Variants in SLC45A4 observed in about 807,000 individuals in gnomAD.
The protein encoded by SLC45A4 is solute carrier family 45 member 4.
A neutral mutation model predicts 63.7 loss-of-function variants in SLC45A4; 32 were observed. The ratio of observed to expected loss-of-function variants is 0.50; its 90% CI spans 0.38 to 0.67. SLC45A4 has a LOEUF of 0.67. Ranked by LOEUF, SLC45A4 falls within the 30% of genes least tolerant of loss-of-function variation. The pLI is 0.00. For missense variants in SLC45A4, 1,027 were observed against 1,157.7 expected (o/e 0.89, Z 1.64); for synonymous variants, 535 against 510.0 (o/e 1.05, Z -0.66).
chr8:141,215,435 C>A lies in SLC45A4; in HGVS notation c.1941+324G>T, dbSNP rs1826080689. On this transcript the variant is annotated intron_variant, in intron 7 of 8. Coordinates refer to ENST00000517878, the MANE Select transcript of SLC45A4 (RefSeq NM_001286646.2). The surrounding 1 kb of genome is among the most constrained non-coding windows in gnomAD (Gnocchi z 4.3). ...GCTTTCCTCCCATCCAAGTGGAAAACACGGGGCTGGAGCTTCCCCCTCAGG... is the reference window on the plus strand; with the variant it reads ...GCTTTCCTCCCATCCAAGTGGAAAAAACGGGGCTGGAGCTTCCCCCTCAGG... 6.6e-6 allele frequency among the ~76,000 whole-genome samples: 1 copy of A among 152,094 alleles called. No individual in the cohort carries two copies. Among genetic ancestry groups the A allele is most frequent in the Non-Finnish European group, 1.5e-5 (1 of 68,034 alleles).
At chr8:141,272,286 C>A (rs918953991) in intron 1 of SLC45A4, among the ~76,000 whole-genome samples, 1 of 152,230 alleles carries the variant, frequency 6.6e-6, no homozygotes, top group Non-Finnish European at 1.5e-5. Context: ...CCCCAAAATA[C>A]ACTAAAGCCA....
chr8:141,303,826 C>T (rs923869420), intron 1 of SLC45A4, among the ~76,000 whole-genome samples: 2 of 152,204 alleles, frequency 1.3e-5, no homozygotes, highest in African/African-American at 2.4e-5. Flanking sequence ...ATGAAAGTAC[C>T]GAGACCCAGG....
At chr8:141,281,674 A>C (rs57539742) in intron 1 of SLC45A4, among the ~76,000 whole-genome samples, 9,494 of 152,300 alleles carry the variant, frequency 0.062, 991 homozygotes, top group African/African-American at 0.22. Context: ...GAAAGAGACA[A>C]AAAACACAGG....
intron 1 of SLC45A4, among the ~76,000 whole-genome samples, chr8:141,260,840 A>ACTT (rs1298751440): frequency 6.6e-6 from 1 of 152,234 alleles, no homozygotes; most frequent in African/African-American, 2.4e-5. Context: ...ATTCCAATCA[A>ACTT]TAGAAAAAGA....
At chr8:141,304,014 C>T (rs1176295921) in intron 1 of SLC45A4, among the ~76,000 whole-genome samples, 3 of 152,208 alleles carry the variant, frequency 2.0e-5, no homozygotes, top group African/African-American at 7.2e-5. Flanking sequence ...CTATTCCCCC[C>T]CGCGGCTCCC....
At chr8:141,284,420 C>T (rs769359445) in intron 1 of SLC45A4, among the ~76,000 whole-genome samples, 4 of 152,226 alleles carry the variant, frequency 2.6e-5, no homozygotes, top group Non-Finnish European at 5.9e-5. Flanking sequence ...CAGCACTCCA[C>T]GGCCATCCGG....
At chr8:141,230,314 T>A (rs904682720) in intron 2 of SLC45A4, 53 of 355,388 alleles carry the variant, frequency 1.5e-4, no homozygotes, top group African/African-American at 1.0e-3. Flanking sequence ...GGGCCGCTCC[T>A]GAAGTCCCCG....
At chr8:141,296,294 C>T (rs1168532641) in intron 1 of SLC45A4, among the ~76,000 whole-genome samples, 1 of 151,068 alleles carries the variant, frequency 6.6e-6, no homozygotes, top group African/African-American at 2.4e-5. Flanking sequence ...TGCAGTTGCC[C>T]ACTGCACTTT....
intron 1 of SLC45A4, among the ~76,000 whole-genome samples, chr8:141,307,503 C>A (rs1830933834): frequency 6.6e-6 from 1 of 150,806 alleles, no homozygotes; most frequent in Non-Finnish European, 1.5e-5. Context: ...CGTGTGTGCA[C>A]TGGGCAGAGG....
intron 1 of SLC45A4, among the ~76,000 whole-genome samples, chr8:141,279,572 G>A (rs940297919): frequency 1.3e-5 from 2 of 152,224 alleles, no homozygotes; most frequent in African/African-American, 4.8e-5. Context: ...AAAGTTGGGG[G>A]CTTCGAGTAC....
chr8:141,292,489 C>T (rs995989326), intron 1 of SLC45A4, among the ~76,000 whole-genome samples: 5 of 152,262 alleles, frequency 3.3e-5, no homozygotes, highest in Non-Finnish European at 7.3e-5. Context: ...CACACAGGCT[C>T]CTCGGGTCCC....
At chr8:141,219,080 G>C (rs564200580) in intron 4 of SLC45A4, 51 bp from the exon 5 acceptor site, 215 of 1,567,152 alleles carry the variant, frequency 1.4e-4, no homozygotes, top group Non-Finnish European at 1.7e-4. Flanking sequence ...AGGCCACAGG[G>C]GGGGAAGCTC....
chr8:141,263,221 G>C (rs988509502), intron 1 of SLC45A4, among the ~76,000 whole-genome samples: 1 of 122,810 alleles, frequency 8.1e-6, no homozygotes, highest in Non-Finnish European at 1.7e-5. Context: ...TTGTGGGGTG[G>C]GGGGAGGGGG....
At chr8:141,284,291 C>A (rs894161990) in intron 1 of SLC45A4, among the ~76,000 whole-genome samples, 1 of 152,184 alleles carries the variant, frequency 6.6e-6, no homozygotes, top group Non-Finnish European at 1.5e-5. Flanking sequence ...GCCTCGAGAG[C>A]AAAGAACAGG....
rs1402664773 is a variant in SLC45A4, at chr8:141,208,434, A to C, written c.*3138T>G. 1 of 151,666 alleles carries C rather than the reference A, an allele frequency of 6.6e-6. No individual in the cohort carries two copies. Among genetic ancestry groups the C allele is most frequent in the Non-Finnish European group, 1.5e-5 (1 of 67,906 alleles). 9.4% of individuals were successfully genotyped at this position (151,666 alleles called of 1,614,324 possible). ...GGTGGTCACAGACCAAGTCCTCCAC[A>C]CCTGGGGCATTCAAGAAACACTCCT... On this transcript the variant is annotated 3_prime_UTR_variant, in exon 9 of 9. Transcript: ENST00000517878.
At chr8:141,301,734 CAAAAAAAAAAAAAAA>C (rs564016568) in intron 1 of SLC45A4, among the ~76,000 whole-genome samples, 3 of 39,564 alleles carry the variant, frequency 7.6e-5, no homozygotes, top group Admixed American at 4.1e-4. Flanking sequence ...GACCCTATCT[CAAAAAAAAAAAAAAA>C]AAAAAAAAAA....
chr8:141,228,439 G>T lies in SLC45A4; in HGVS notation c.242-6674C>A, dbSNP rs1028363735. On this transcript the variant is annotated intron_variant, in intron 2 of 8. Transcript: ENST00000517878. The stretch of plus-strand genomic sequence containing the variant: ...AAGCCAGCGGGAACATTCCGCAGCT[G>T]CTGTCCTGTCTCAGGGCCGACCCTG... The T allele has an allele frequency of 3.6e-6, 5 of 1,407,488 alleles. No individual in the cohort carries two copies. The African/African-American group carries it at 5.8e-5, about 16-fold the overall frequency. 87.2% of individuals were successfully genotyped at this position (1,407,488 alleles called of 1,614,324 possible). A position where few individuals can be genotyped will look rare whatever the true frequency, so the allele number is the denominator to read the frequency against.
intron 2 of SLC45A4, among the ~76,000 whole-genome samples, chr8:141,239,727 C>T (rs1186761236): frequency 6.6e-6 from 1 of 152,180 alleles, no homozygotes; most frequent in African/African-American, 2.4e-5. Flanking sequence ...TTGCATAAGA[C>T]GGCTGCCGGT....
intron 2 of SLC45A4, among the ~76,000 whole-genome samples, chr8:141,222,308 G>C (rs1826695534): frequency 6.6e-6 from 1 of 152,210 alleles, no homozygotes; most frequent in Non-Finnish European, 1.5e-5. Flanking sequence ...CCTGCAGAGG[G>C]TCCCCACAGC....
Sources: allele counts gnomAD v4.1 joint callset (sites outside exome capture counted in the v4.1 genomes callset), GRCh38; gene constraint gnomAD v4.1.1; non-coding constraint Gnocchi (gnomAD v3.1); transcripts MANE v1.5; gene names NCBI Gene and HGNC (gene_info 2026-07-23, HGNC 2026-07-21).